GAS2: variants seen among roughly 807,000 people sequenced by gnomAD.
The protein encoded by GAS2 is growth arrest specific 2.
A neutral mutation model predicts 37.5 loss-of-function variants in GAS2; 20 were observed. The observed-to-expected ratio is 0.53, with a 90% confidence interval of 0.37 to 0.77. The LOEUF (loss-of-function observed/expected upper bound fraction) is 0.77. Among genes scored for constraint, GAS2 ranks in the 30% least tolerant of loss-of-function variants. The pLI, the probability that GAS2 is intolerant of heterozygous loss-of-function variation, is 0.00. For synonymous variants in GAS2, 144 were observed against 132.2 expected (o/e 1.09, Z -0.61); for missense variants, 336 against 373.4 (o/e 0.90, Z 0.82).
chr11:22,657,219 C>T (rs1848865575), intron 1 of GAS2, among the ~76,000 whole-genome samples: 1 of 152,156 alleles, frequency 6.6e-6, no homozygotes, highest in Non-Finnish European at 1.5e-5. Context: ...AGGTAGGACT[C>T]TTTGTTACCT....
chr11:22,738,117 C>T (rs985749557), intron 5 of GAS2, among the ~76,000 whole-genome samples: 1 of 152,076 alleles, frequency 6.6e-6, no homozygotes, highest in African/African-American at 2.4e-5. Context: ...TCTTCCTCCT[C>T]CTTCACCTCC....
chr11:22,628,226 C>T (rs2133801524), intron 1 of GAS2, among the ~76,000 whole-genome samples: 1 of 152,186 alleles, frequency 6.6e-6, no homozygotes, highest in East Asian at 1.9e-4. Context: ...TAATGCAAAG[C>T]AGATTTTATA....
At chr11:22,656,587 T>C (rs1848857596) in intron 1 of GAS2, among the ~76,000 whole-genome samples, 1 of 152,166 alleles carries the variant, frequency 6.6e-6, no homozygotes, top group Admixed American at 6.5e-5. Flanking sequence ...AAGTAAACAG[T>C]TTGCTTTCAC....
At chr11:22,726,548 A>C (rs1237609208) in intron 4 of GAS2, 115 bp downstream of exon 4, 4 of 835,790 alleles carry the variant, frequency 4.8e-6, no homozygotes, top group South Asian at 3.2e-5. Flanking sequence ...TTATTAGCTT[A>C]AAAAGTCTGA....
chr11:22,799,889 A>G (rs1590145030), intron 7 of GAS2, among the ~76,000 whole-genome samples: 1 of 152,046 alleles, frequency 6.6e-6, no homozygotes, highest in Admixed American at 6.6e-5. Context: ...GCAAGGAATA[A>G]CCTTGCCTGC....
intron 5 of GAS2, among the ~76,000 whole-genome samples, chr11:22,748,357 C>A (rs983465387): frequency 6.6e-6 from 1 of 152,000 alleles, no homozygotes; most frequent in Non-Finnish European, 1.5e-5. Flanking sequence ...CACCTAGGTA[C>A]AGTTGATATG....
chr11:22,785,010 A>C (rs1855755006), intron 7 of GAS2, among the ~76,000 whole-genome samples: 2 of 152,108 alleles, frequency 1.3e-5, no homozygotes, highest in African/African-American at 2.4e-5. Context: ...TAGAGGACAA[A>C]AAGAGGAAAA....
At chr11:22,755,999 GA>G in intron 7 of GAS2, 46 bp downstream of exon 7, 1 of 1,339,428 alleles carries the variant, frequency 7.5e-7, no homozygotes, top group Non-Finnish European at 1.1e-6. Flanking sequence ...GGAAGATTCA[GA>G]ATTTGAGTTA....
chr11:22,686,225 T>C (rs946924944), intron 3 of GAS2, among the ~76,000 whole-genome samples: 1 of 152,194 alleles, frequency 6.6e-6, no homozygotes, highest in African/African-American at 2.4e-5. Flanking sequence ...AAATAAGTAG[T>C]ACCATTGAAC....
intron 3 of GAS2, among the ~76,000 whole-genome samples, chr11:22,721,322 G>A (rs1021939817): frequency 2.0e-5 from 3 of 152,020 alleles, no homozygotes; most frequent in African/African-American, 7.2e-5. Flanking sequence ...TCCAGATGCA[G>A]ATTATTACAA....
intron 1 of GAS2, among the ~76,000 whole-genome samples, chr11:22,632,097 A>G (rs1261626187): frequency 6.6e-6 from 1 of 151,776 alleles, no homozygotes; most frequent in Non-Finnish European, 1.5e-5. Context: ...TAGATTTTCT[A>G]GTTTGTTTGC....
chr11:22,640,202 T>C (rs1858892440), intron 1 of GAS2, among the ~76,000 whole-genome samples: 1 of 152,146 alleles, frequency 6.6e-6, no homozygotes, highest in South Asian at 2.1e-4. Flanking sequence ...ATTTGAGATG[T>C]GTCTTTTTAG....
chr11:22,721,784 A>T (rs963546559), intron 3 of GAS2, among the ~76,000 whole-genome samples: 1 of 152,054 alleles, frequency 6.6e-6, no homozygotes, highest in African/African-American at 2.4e-5. Context: ...GTTCAAATTT[A>T]GGGTAAAGAT....
intron 7 of GAS2, among the ~76,000 whole-genome samples, chr11:22,764,484 C>T (rs1362271671): frequency 4.9e-5 from 7 of 143,862 alleles, no homozygotes; most frequent in African/African-American, 2.6e-5. Context: ...GGCGTGAGCC[C>T]GGGAGGCGGA....
At chr11:22,763,082 CA>C (rs1228741636) in intron 7 of GAS2, among the ~76,000 whole-genome samples, 1 of 152,088 alleles carries the variant, frequency 6.6e-6, no homozygotes, top group Non-Finnish European at 1.5e-5. Flanking sequence ...AAAGAAAAGA[CA>C]ATGAATAATT....
chr11:22,755,378 A>G (rs546382805), intron 6 of GAS2, among the ~76,000 whole-genome samples: 9 of 152,232 alleles, frequency 5.9e-5, no homozygotes, highest in African/African-American at 2.2e-4. Flanking sequence ...TTAAAAAAAC[A>G]ACTTGTTAAA....
intron 3 of GAS2, among the ~76,000 whole-genome samples, chr11:22,713,094 A>C (rs1851491233): frequency 6.6e-6 from 1 of 151,148 alleles, no homozygotes; most frequent in Non-Finnish European, 1.5e-5. Flanking sequence ...AAGAAAAGAA[A>C]GGAAAAAAGA....
chr11:22,628,610 C>A (rs547449093), intron 1 of GAS2, among the ~76,000 whole-genome samples: 2 of 151,948 alleles, frequency 1.3e-5, no homozygotes, highest in African/African-American at 4.8e-5. Context: ...ACTTTCTTGT[C>A]GTCTTTTCAT....
intron 7 of GAS2, among the ~76,000 whole-genome samples, chr11:22,801,786 C>G (rs996931041): frequency 3.3e-5 from 5 of 152,072 alleles, no homozygotes; most frequent in African/African-American, 1.2e-4. Context: ...TTTTAATCCT[C>G]TTAATTTCAA....
Sources: allele counts gnomAD v4.1 joint callset (sites outside exome capture counted in the v4.1 genomes callset), GRCh38; gene constraint gnomAD v4.1.1; transcripts MANE v1.5; gene names NCBI Gene and HGNC (gene_info 2026-07-23, HGNC 2026-07-21).